CC2D2A: variants seen among roughly 807,000 people sequenced by gnomAD.
CC2D2A encodes coiled-coil and C2 domain containing 2A, also known as coiled-coil and C2 domain-containing protein 2A.
CC2D2A carries 155 observed loss-of-function variants against 212.9 expected under a neutral mutation model. That is an observed-to-expected ratio of 0.73 (90% confidence interval 0.64 to 0.83). CC2D2A has a LOEUF of 0.83. CC2D2A is among the 40% of genes least tolerant of loss of function. CC2D2A has a pLI of 0.00. For missense variants in CC2D2A, 1,856 were observed against 1,956.2 expected (o/e 0.95, Z 0.97); for synonymous variants, 667 against 686.5 (o/e 0.97, Z 0.44).
intron 18 of CC2D2A, 26 bp downstream of exon 18, chr4:15,551,006 G>A: frequency 2.6e-6 from 4 of 1,531,804 alleles, no homozygotes; most frequent in Non-Finnish European, 3.6e-6. Context: ...ATCTTCAATG[G>A]TTCACTGTTT....
Position 15,503,027 on chromosome 4 carries a change from A to G in CC2D2A, c.438+104A>G, listed in dbSNP as rs1716051586. On this transcript the variant is annotated intron_variant, in intron 6 of 36. Transcript: ENST00000424120. ...GAGCTATGCACAGAGGAGGTATTAA[A>G]TGCTTATTAATAATTATAATACACT... 3 of 761,444 alleles carry G rather than the reference A, an allele frequency of 3.9e-6. No homozygotes were observed. The Admixed American group carries it at 1.0e-4, about 26-fold the overall frequency. The allele number at this position is 761,444 out of a possible 1,614,324, so 47.2% of individuals were successfully genotyped here.
intron 1 of CC2D2A, among the ~76,000 whole-genome samples, chr4:15,475,543 A>G (rs933558796): frequency 6.6e-6 from 1 of 152,164 alleles, no homozygotes; most frequent in Non-Finnish European, 1.5e-5. Context: ...AAGGGGATGT[A>G]GAAGCCCTCT....
At chr4:15,587,063 T>C (rs1720884812) in intron 31 of CC2D2A, among the ~76,000 whole-genome samples, 1 of 152,244 alleles carries the variant, frequency 6.6e-6, no homozygotes, top group Non-Finnish European at 1.5e-5. Flanking sequence ...GGGACTAGTT[T>C]TGTAGAATAC....
rs192431565 is a variant in CC2D2A, at chr4:15,596,276, A to G, written c.4437+69A>G. 1.7e-4 allele frequency: 228 copies of G among 1,376,024 alleles called. No homozygotes were observed. The East Asian group carries it at 5.6e-3, about 34-fold the overall frequency. 85.2% of individuals were successfully genotyped at this position (1,376,024 alleles called of 1,614,324 possible). ...ATAGGAAATTATACTGGGTTACAAG[A>G]TATTTTTTACCCCTGGGTAGTCTAG... is the stretch of plus-strand genomic sequence containing the variant. On this transcript the variant is annotated intron_variant, in intron 34 of 36. Coordinates refer to ENST00000424120, the MANE Select transcript of CC2D2A (RefSeq NM_001378615.1).
At chr4:15,541,689 C>T (rs1718459173) in intron 17 of CC2D2A, among the ~76,000 whole-genome samples, 1 of 152,076 alleles carries the variant, frequency 6.6e-6, no homozygotes, top group Non-Finnish European at 1.5e-5. Context: ...ATCAATTATG[C>T]CGCAATCATG....
At chr4:15,598,822 G>A (rs1721443384) in intron 35 of CC2D2A, among the ~76,000 whole-genome samples, 1 of 152,140 alleles carries the variant, frequency 6.6e-6, no homozygotes, top group African/African-American at 2.4e-5. Context: ...TAATTCATCT[G>A]TCTGTATATA....
At chr4:15,491,005 G>A (rs1715276475) in intron 4 of CC2D2A, among the ~76,000 whole-genome samples, 1 of 152,114 alleles carries the variant, frequency 6.6e-6, no homozygotes, top group Non-Finnish European at 1.5e-5. Context: ...GCTCACTCGG[G>A]GAGCTCAGTT....
At chr4:15,521,075 G>A (rs989166706) in intron 11 of CC2D2A, among the ~76,000 whole-genome samples, 1 of 152,142 alleles carries the variant, frequency 6.6e-6, no homozygotes, top group African/African-American at 2.4e-5. Flanking sequence ...TTGTCATAAA[G>A]CATCACAGAG....
At chr4:15,569,239 C>T (rs1720043794) in intron 26 of CC2D2A, 54 bp from the exon 27 acceptor site, 5 of 959,542 alleles carry the variant, frequency 5.2e-6, no homozygotes, top group African/African-American at 4.9e-5. Context: ...TTTGAATGCT[C>T]ATAATTTCTA....
rs575647788 is a variant in CC2D2A at position 15,478,811 on chromosome 4, G to C, written c.123+5G>C. 1.3e-6 allele frequency: 2 copies of C among 1,549,158 alleles called. No homozygotes were observed. The highest frequency in any genetic ancestry group is 1.4e-5 in the African/African-American group (1 of 73,102). ...AGACAGCCAAGAAAGAAACAGGTAA[G>C]AAGTGACAAGAAACTGTGTCTGCGT... On this transcript the variant is annotated splice_donor_5th_base_variant and intron_variant, in intron 3 of 36. Transcript: ENST00000424120.
chr4:15,584,231 A>T (rs1309323462), intron 30 of CC2D2A, among the ~76,000 whole-genome samples: 1 of 152,176 alleles, frequency 6.6e-6, no homozygotes, highest in East Asian at 1.9e-4. Flanking sequence ...AAGAACTGGA[A>T]GTATCACACT....
At chr4:15,470,956 AG>A in intron 1 of CC2D2A, among the ~76,000 whole-genome samples, 1 of 152,076 alleles carries the variant, frequency 6.6e-6, no homozygotes, top group Non-Finnish European at 1.5e-5. Flanking sequence ...GATGACATCC[AG>A]GGAGGGGCTT....
intron 4 of CC2D2A, among the ~76,000 whole-genome samples, chr4:15,495,412 A>C (rs1208941521): frequency 6.6e-6 from 1 of 152,026 alleles, no homozygotes; most frequent in African/African-American, 2.4e-5. Context: ...CCCAGCCTCT[A>C]TTGTTTCCCT....
chr4:15,577,191 T>C (rs1434372908), intron 29 of CC2D2A, among the ~76,000 whole-genome samples: 2 of 152,130 alleles, frequency 1.3e-5, no homozygotes, highest in South Asian at 2.1e-4. Flanking sequence ...AGTTGAGGTC[T>C]CCTTTTGTTG....
Position 15,473,334 on chromosome 4 carries a change from G to A in CC2D2A, c.-18-2581G>A, listed in dbSNP as rs1054146492. 2.0e-5 allele frequency: 3 copies of A among 152,286 alleles called. No individual in the cohort carries two copies. In the East Asian group the frequency reaches 5.8e-4, roughly 29 times the overall value. The allele number at this position is 152,286 out of a possible 1,614,324, so 9.4% of individuals were successfully genotyped here. On this transcript the variant is annotated intron_variant, in intron 1 of 36. Transcript: ENST00000424120. ...AGTTAGGGAATTCCAGGAGGGTGTT[G>A]GGAGGAGATCATTGTATTACGAATG... is the stretch of plus-strand genomic sequence containing the variant.
intron 17 of CC2D2A, 153 bp from the exon 18 acceptor site, chr4:15,550,671 C>T: frequency 2.1e-6 from 1 of 470,580 alleles, no homozygotes; most frequent in African/African-American, 2.0e-5. Flanking sequence ...CCATGGAAAC[C>T]ATATAGTAAC....
chr4:15,575,830 T>C (rs1293218777), intron 29 of CC2D2A, among the ~76,000 whole-genome samples: 1 of 152,162 alleles, frequency 6.6e-6, no homozygotes, highest in Admixed American at 6.5e-5. Flanking sequence ...AGACAAAAGA[T>C]GATTTTGCTG....
chr4:15,589,457 G>C, intron 32 of CC2D2A, 88 bp from the exon 33 acceptor site: 1 of 1,145,366 alleles, frequency 8.7e-7, no homozygotes, highest in Non-Finnish European at 1.2e-6. Flanking sequence ...AAGGGTCCAA[G>C]TAAAATAATG....
chr4:15,489,059 T>G (rs1464847246), intron 4 of CC2D2A, among the ~76,000 whole-genome samples: 1 of 152,260 alleles, frequency 6.6e-6, no homozygotes, highest in African/African-American at 2.4e-5. Context: ...TAGTTTCTTA[T>G]GAACACAAAT....
Sources: gnomAD v4.1 joint callset for allele counts (sites outside exome capture counted in the v4.1 genomes callset) on GRCh38, gnomAD v4.1.1 for gene constraint, MANE v1.5 for transcripts, NCBI Gene and HGNC (gene_info 2026-07-23, HGNC 2026-07-21) for gene names.